CAMK2D: variants seen among roughly 807,000 people sequenced by gnomAD.
CAMK2D encodes the protein calcium/calmodulin dependent protein kinase II delta.
Under a neutral mutation model 84.0 loss-of-function variants are expected in CAMK2D, and 37 were observed. That is an observed-to-expected ratio of 0.44 (90% CI 0.34 to 0.58). CAMK2D has a LOEUF of 0.58. CAMK2D is among the 20% of genes least tolerant of loss of function. CAMK2D has a pLI of 0.02. For synonymous variants in CAMK2D, 202 were observed against 212.5 expected (o/e 0.95, Z 0.43); for missense variants, 448 against 652.5 (o/e 0.69, Z 3.41).
At position 113,616,140 on chromosome 4, in the gene CAMK2D, T is replaced by C. The variant is rs888849582; in HGVS notation, c.221-6934A>G. Among the ~76,000 whole-genome samples the C allele has an allele frequency of 3.5e-4, 54 of 152,272 alleles. 2 individuals are homozygous for C. The highest frequency in any genetic ancestry group is 3.1e-3 in the Admixed American group (48 of 15,294). ...AAACTTAATATCAACTAAAATTAAA[T>C]TATATTTCAAAGCAATTGACTGCTT... On this transcript the variant is annotated intron_variant, in intron 3 of 20. Transcript: ENST00000511664.
In CAMK2D at chr4:113,537,438, C is replaced by A; in HGVS notation, c.420G>T (p.Glu140Asp). ...MGVVHRDLKP[E>D]NLLLASKSKG... Reference sequence around the variant, plus strand: ...TGGATTTGCTAGCTAAAAGCAAATTCTCAGGCTTTATTTAGAAAGAAAAAA... The same window carrying A: ...TGGATTTGCTAGCTAAAAGCAAATTATCAGGCTTTATTTAGAAAGAAAAAA... Residue 140 changes from glutamate to aspartate, a missense_variant, in exon 7 of 21, where the codon GAG (glutamate) becomes GAT (aspartate). Glu to Asp is a conservative substitution (Grantham distance 45). Around this residue, in one of 7 missense-constraint regions of CAMK2D, gnomAD observed 60 missense variants for 70.0 expected, o/e 0.86. Transcript: ENST00000511664. 2 of 1,591,274 alleles carry A rather than the reference C, an allele frequency of 1.3e-6. No individual in the cohort carries two copies. The highest frequency in any genetic ancestry group is 1.1e-5 in the South Asian group (1 of 90,274).
At chr4:113,537,309 A>G (rs992846030) in intron 7 of CAMK2D, 32 bp downstream of exon 7, 2 of 1,116,928 alleles carry the variant, frequency 1.8e-6, no homozygotes, top group Non-Finnish European at 1.4e-6. Flanking sequence ...CCAGAAGACT[A>G]TAGGTAGCAT....
intron 8 of CAMK2D, among the ~76,000 whole-genome samples, chr4:113,530,544 G>T (rs1315884596): frequency 6.6e-6 from 1 of 152,110 alleles, no homozygotes; most frequent in East Asian, 1.9e-4. Context: ...CTCATAAAAT[G>T]CATGTGTTAA....
intron 2 of CAMK2D, among the ~76,000 whole-genome samples, chr4:113,680,217 T>C (rs561657888): frequency 2.0e-5 from 3 of 152,170 alleles, no homozygotes; most frequent in African/African-American, 4.8e-5. Context: ...GATATTTACA[T>C]AGAAGACCTG....
chr4:113,660,848 T>A (rs1390619851), intron 3 of CAMK2D, among the ~76,000 whole-genome samples: 1 of 148,198 alleles, frequency 6.7e-6, no homozygotes, highest in African/African-American at 2.5e-5. Context: ...CAGGCTGGAG[T>A]GCAGTGGCGC....
chr4:113,558,841 G>A (rs1268277349), intron 4 of CAMK2D, among the ~76,000 whole-genome samples: 9 of 151,892 alleles, frequency 5.9e-5, no homozygotes, highest in African/African-American at 1.9e-4. Flanking sequence ...AGCCTGCCAG[G>A]TGGGGTGGTA....
intron 2 of CAMK2D, among the ~76,000 whole-genome samples, chr4:113,721,249 T>C (rs1178234036): frequency 6.6e-6 from 1 of 152,144 alleles, no homozygotes; most frequent in African/African-American, 2.4e-5. Flanking sequence ...AGGTAACTTG[T>C]GATCAAAATT....
At chr4:113,574,051 C>T (rs745482047) in intron 4 of CAMK2D, among the ~76,000 whole-genome samples, 12 of 152,210 alleles carry the variant, frequency 7.9e-5, no homozygotes, top group Non-Finnish European at 4.4e-5. Context: ...TTTTAATCTA[C>T]ATTCTTATAT....
At chr4:113,591,793 G>T (rs535481711) in intron 4 of CAMK2D, among the ~76,000 whole-genome samples, 1 of 152,026 alleles carries the variant, frequency 6.6e-6, no homozygotes, top group Non-Finnish European at 1.5e-5. Flanking sequence ...GTTCTTCTTG[G>T]CATTGCAGGG....
chr4:113,695,416 A>C (rs1322467443), intron 2 of CAMK2D, among the ~76,000 whole-genome samples: 2 of 152,048 alleles, frequency 1.3e-5, no homozygotes, highest in African/African-American at 4.8e-5. Context: ...TCTCCATTTG[A>C]ATGTCTAAAA....
chr4:113,495,842 G>A (rs114592920), intron 16 of CAMK2D, among the ~76,000 whole-genome samples: 3,474 of 152,204 alleles, frequency 0.023, 76 homozygotes, highest in Non-Finnish European at 0.037. Context: ...ATCCAAGCTC[G>A]TGGTGAATGG....
chr4:113,570,991 A>G (rs28823037), intron 4 of CAMK2D, among the ~76,000 whole-genome samples: 8,003 of 152,322 alleles, frequency 0.053, 601 homozygotes, highest in African/African-American at 0.16. Context: ...AAAGGACCTG[A>G]ATAGACATTT....
chr4:113,733,579 A>C (rs888683486), intron 2 of CAMK2D, among the ~76,000 whole-genome samples: 9 of 152,232 alleles, frequency 5.9e-5, no homozygotes, highest in Admixed American at 3.3e-4. Flanking sequence ...TCCAAATTAA[A>C]TACCAATAAC....
At chr4:113,711,744 C>T (rs187986377) in intron 2 of CAMK2D, among the ~76,000 whole-genome samples, 1 of 152,288 alleles carries the variant, frequency 6.6e-6, no homozygotes, top group Admixed American at 6.6e-5. Context: ...CCTTCACTAA[C>T]TCTCCACGGT....
chr4:113,515,281 T>C, intron 9 of CAMK2D, 90 bp from the exon 10 acceptor site: 1 of 796,572 alleles, frequency 1.3e-6, no homozygotes, highest in South Asian at 1.9e-5. Context: ...TTCCCTCAAG[T>C]AGTGAATTTC....
chr4:113,760,435 G>A (rs1357112471), intron 1 of CAMK2D, among the ~76,000 whole-genome samples: 1 of 152,104 alleles, frequency 6.6e-6, no homozygotes, highest in African/African-American at 2.4e-5. Flanking sequence ...CAAGGGGTTG[G>A]GTTCTGTTGG....
rs140205152 is a variant in CAMK2D at position 113,485,006 on chromosome 4, G to T, written c.1135+15457C>A. Among the ~76,000 whole-genome samples the T allele has an allele frequency of 1.1e-4, 17 of 152,206 alleles. No homozygotes were observed. In the East Asian group the frequency reaches 3.3e-3, roughly 29 times the overall value. ...TATTGGAGTAATGTGAGGGCTGAGG[G>T]ATTCCATAAATCCCCACGTGGTTCA... is the stretch of plus-strand genomic sequence containing the variant. On this transcript the variant is annotated intron_variant, in intron 16 of 20. Transcript: ENST00000511664.
intron 2 of CAMK2D, among the ~76,000 whole-genome samples, chr4:113,680,336 C>T (rs539770409): frequency 5.6e-4 from 85 of 152,274 alleles, no homozygotes; most frequent in African/African-American, 2.0e-3. Context: ...CTAGAACAAA[C>T]GCTGTCCATC....
intron 3 of CAMK2D, among the ~76,000 whole-genome samples, chr4:113,659,296 T>C (rs1370365244): frequency 6.6e-6 from 1 of 152,234 alleles, no homozygotes; most frequent in Non-Finnish European, 1.5e-5. Flanking sequence ...ATCTTAAACC[T>C]GAGCAAGAGA....
Sources: gnomAD v4.1 joint callset for allele counts (sites outside exome capture counted in the v4.1 genomes callset) on GRCh38, gnomAD v4.1.1 for gene constraint, gnomAD v4.1.1 regional missense constraint, MANE v1.5 for transcripts, NCBI Gene and HGNC (gene_info 2026-07-23, HGNC 2026-07-21) for gene names.